Variants in MYH10 observed in about 807,000 individuals in gnomAD.
MYH10 encodes the protein myosin heavy chain 10, also known as myosin-10.
MYH10 carries 55 observed loss-of-function variants against 257.8 expected under a neutral mutation model. That is an observed-to-expected ratio of 0.21 (90% CI 0.17 to 0.27). MYH10 has a LOEUF of 0.27. Ranked by LOEUF, MYH10 falls within the 10% of genes least tolerant of loss-of-function variation. The probability of loss-of-function intolerance (pLI) is 1.00; values close to 1 mark genes in which losing one functional copy is unlikely to be tolerated. For synonymous variants in MYH10, 854 were observed against 921.7 expected (o/e 0.93, Z 1.33); for missense variants, 1,631 against 2,500.6 (o/e 0.65, Z 7.42).
chr17:8,628,529 G>A (rs2085769460), intron 1 of MYH10, among the ~76,000 whole-genome samples: 2 of 152,158 alleles, frequency 1.3e-5, no homozygotes, highest in Admixed American at 1.3e-4. Context: ...TATAACAGAT[G>A]AGCTAAAACA....
chr17:8,560,849 A>G, intron 7 of MYH10: 1 of 567,112 alleles, frequency 1.8e-6, no homozygotes, highest in Non-Finnish European at 3.4e-6. Flanking sequence ...GGCAAGCACA[A>G]GGTCTTTGGC....
chr17:8,518,933 G>C lies in MYH10; in HGVS notation c.2291C>G (p.Pro764Arg). 6.2e-7 allele frequency: 1 copy of C among 1,605,752 alleles called. No individual in the cohort carries two copies. The highest frequency in any genetic ancestry group is 1.1e-5 in the South Asian group (1 of 89,812). ...EFRQRYEILT[P>R]NAIPKGFMDG... ...CATAAAACCTTTAGGAATAGCATTTGGAGTTAGGATCTCATATCTGTAAGA... is the reference window on the plus strand; with the variant it reads ...CATAAAACCTTTAGGAATAGCATTTCGAGTTAGGATCTCATATCTGTAAGA... The change falls in exon 20 of 43, where the codon CCA (proline) becomes CGA (arginine). Residue 764 changes from proline to arginine, a missense_variant. Around this residue, in one of 11 missense-constraint regions of MYH10, gnomAD observed 116 missense variants for 221.6 expected, o/e 0.52. Transcript: ENST00000360416.
intron 36 of MYH10, among the ~76,000 whole-genome samples, chr17:8,486,507 GAA>G (rs1237172635): frequency 1.2e-5 from 1 of 81,096 alleles, no homozygotes; most frequent in African/African-American, 5.3e-5. Context: ...CTATCTCTGG[GAA>G]AAAAAACAAA....
In MYH10 at chr17:8,513,909, G is replaced by A. The variant is rs2081377964; in HGVS notation, c.2505-15C>T. On this transcript the variant is annotated splice_polypyrimidine_tract_variant and intron_variant, in intron 21 of 42. Coordinates refer to ENST00000360416, the MANE Select transcript of MYH10 (RefSeq NM_001256012.3). Reference sequence around the variant, plus strand: ...TGGCAAAGGCCCTGAAGAACAATAAGAAAAACTTATGATGTAAAGAAAAAA... The same window carrying A: ...TGGCAAAGGCCCTGAAGAACAATAAAAAAAACTTATGATGTAAAGAAAAAA... 1.2e-6 allele frequency: 2 copies of A among 1,607,444 alleles called. No homozygotes were observed. Among genetic ancestry groups the A allele is most frequent in the Non-Finnish European group, 1.7e-6 (2 of 1,176,678 alleles).
rs1045853152 is a variant in MYH10 at position 8,517,834 on chromosome 17, C to G, written c.2504+797G>C. On this transcript the variant is annotated intron_variant, in intron 21 of 42. Coordinates refer to ENST00000360416, the MANE Select transcript of MYH10 (RefSeq NM_001256012.3). Reference sequence around the variant, plus strand: ...CTTGCTCCCTCTCACCCATCCTGCTCCAGCCACACTGGACTGTGTCACCTT... The same window carrying G: ...CTTGCTCCCTCTCACCCATCCTGCTGCAGCCACACTGGACTGTGTCACCTT... Among the ~76,000 whole-genome samples the G allele has an allele frequency of 3.9e-4, 60 of 152,206 alleles. 1 individual carries two copies. Among genetic ancestry groups the G allele is most frequent in the African/African-American group, 1.4e-3 (58 of 41,450 alleles).
chr17:8,580,782 C>G (rs2083675306), intron 4 of MYH10, among the ~76,000 whole-genome samples: 1 of 152,224 alleles, frequency 6.6e-6, no homozygotes, highest in Admixed American at 6.5e-5. Flanking sequence ...CTTCTGAGTG[C>G]TAGGGATAGT....
At position 8,604,968 on chromosome 17, in the gene MYH10, G is replaced by A. The variant is rs375038020; in HGVS notation, c.360C>T (p.Leu120=). ...YSGLIYTYSG[L]FCVVINPYKN... is the part of the protein sequence containing the mutation. ...TGTAAGGGTTTATAACTACACAGAA[G>A]AGTCCAGAATAAGTCTAGAATAAAA... Residue 120 remains leucine, a synonymous_variant, in exon 3 of 43, where the codon CTC becomes CTT. Transcript: ENST00000360416. 1.9e-5 allele frequency: 29 copies of A among 1,514,212 alleles called. No homozygotes were observed. The highest frequency in any genetic ancestry group is 2.6e-5 in the Non-Finnish European group (29 of 1,107,472). 93.8% of individuals were successfully genotyped at this position (1,514,212 alleles called of 1,614,324 possible).
rs1392867812 is a variant in MYH10 at position 8,546,636 on chromosome 17, C to T, written c.1186G>A (p.Gly396Arg). 3.1e-6 allele frequency: 5 copies of T among 1,613,940 alleles called. No individual in the cohort carries two copies. The highest frequency in any genetic ancestry group is 1.3e-5 in the African/African-American group (1 of 75,034). The change falls in exon 12 of 43, where the codon GGG becomes AGG. Residue 396 changes from glycine (G) to arginine (R), a missense_variant. By Grantham distance (125) the Gly-to-Arg change is moderately radical (BLOSUM62 -2). This residue lies in a region of MYH10 where 360 missense variants were observed against 581.9 expected (regional missense o/e 0.62). Coordinates refer to ENST00000360416, the MANE Select transcript of MYH10 (RefSeq NM_001256012.3). ...CGAGTAAACTCCATCACATTCATCC[C>T]AAGAAGATGGCAGAGCTTCTGCGCA... ...TVAQKLCHLLGMNVMEFTRAI... is the reference protein window; with the variant it reads ...TVAQKLCHLLRMNVMEFTRAI...
At chr17:8,580,239 T>C (rs1172910796) in intron 4 of MYH10, among the ~76,000 whole-genome samples, 1 of 152,144 alleles carries the variant, frequency 6.6e-6, no homozygotes, top group Non-Finnish European at 1.5e-5. Flanking sequence ...CCATCATCCT[T>C]CTTTTTGAAA....
chr17:8,517,720 C>T (rs554270515), intron 21 of MYH10, among the ~76,000 whole-genome samples: 17 of 152,306 alleles, frequency 1.1e-4, no homozygotes, highest in African/African-American at 3.4e-4. Flanking sequence ...TTCTGCCTAC[C>T]GCAGCCAGGC....
At chr17:8,561,391 G>A (rs2082989067) in intron 7 of MYH10, 2 of 1,077,682 alleles carry the variant, frequency 1.9e-6, no homozygotes, top group Admixed American at 3.4e-5. Flanking sequence ...GGGGCATTCT[G>A]AAGCAAGTGT....
chr17:8,595,191 G>A lies in MYH10; in HGVS notation c.503-6083C>T, dbSNP rs139910841. Among the ~76,000 whole-genome samples, 257 of 152,224 alleles carry A rather than the reference G, an allele frequency of 1.7e-3. 1 individual carries two copies. Among genetic ancestry groups the A allele is most frequent in the Middle Eastern group, 6.8e-3 (2 of 294 alleles). On this transcript the variant is annotated intron_variant, in intron 3 of 42. Coordinates refer to ENST00000360416, the MANE Select transcript of MYH10 (RefSeq NM_001256012.3). ...GATGACTATAGGACATTCTCGAAAC[G>A]GCAGCACTAGTGTTTATTCCTAGCG...
intron 25 of MYH10, 77 bp downstream of exon 25, chr17:8,509,735 C>T: frequency 7.4e-7 from 1 of 1,348,152 alleles, no homozygotes; most frequent in East Asian, 2.7e-5. Context: ...AGTTCACTTT[C>T]AATGAGTGTA....
In MYH10 at chr17:8,546,660, C is replaced by T. The variant is rs1291705207; in HGVS notation, c.1162G>A (p.Ala388Thr). The T allele has an allele frequency of 6.2e-7, 1 of 1,612,328 alleles. No homozygotes were observed. Among genetic ancestry groups the T allele is most frequent in the East Asian group, 2.2e-5 (1 of 44,856 alleles). ...DQASMPENTV[A>T]QKLCHLLGMN... ...CCAAGAAGATGGCAGAGCTTCTGCG[C>T]AACTGAAGTGTAAAAAGTCTCCTAA... is the stretch of plus-strand genomic sequence containing the variant. The change falls in exon 12 of 43, where the codon GCG (alanine) becomes ACG (threonine). Residue 388 changes from alanine to threonine, a missense_variant and splice_region_variant. Coordinates refer to ENST00000360416, the MANE Select transcript of MYH10 (RefSeq NM_001256012.3).
Position 8,475,953 on chromosome 17 carries a change from A to C in MYH10, c.5880-5T>G. The C allele has an allele frequency of 6.2e-7, 1 of 1,611,918 alleles. No individual in the cohort carries two copies. The highest frequency in any genetic ancestry group is 2.2e-5 in the East Asian group (1 of 44,872). On this transcript the variant is annotated splice_region_variant and splice_polypyrimidine_tract_variant and intron_variant, in intron 42 of 42. Coordinates refer to ENST00000360416, the MANE Select transcript of MYH10 (RefSeq NM_001256012.3). ...AAGCTGATGGGGCCACCCCGCCTGG[A>C]GAACACAGGAAGCAGATGTGTGTGG...
intron 7 of MYH10, among the ~76,000 whole-genome samples, chr17:8,561,874 G>A (rs567344390): frequency 1.9e-4 from 29 of 152,218 alleles, no homozygotes; most frequent in Admixed American, 1.8e-3. Flanking sequence ...TAGATGCAAA[G>A]GGCCAAGCAA....
Position 8,480,091 on chromosome 17 carries a change from G to C in MYH10, c.5597+19C>G. The C allele has an allele frequency of 6.2e-7, 1 of 1,612,724 alleles. No homozygotes were observed. Among genetic ancestry groups the C allele is most frequent in the Non-Finnish European group, 8.5e-7 (1 of 1,179,318 alleles). The stretch of plus-strand genomic sequence containing the variant: ...GCCTAGTTGGTAAGTTTTGGTTTAC[G>C]GTAGCAAAAACCTCTTACTTGGCTT... On this transcript the variant is annotated intron_variant, in intron 40 of 42. Coordinates refer to ENST00000360416, the MANE Select transcript of MYH10 (RefSeq NM_001256012.3).
chr17:8,558,076 G>A (rs889432263), intron 7 of MYH10, among the ~76,000 whole-genome samples: 2 of 152,094 alleles, frequency 1.3e-5, no homozygotes, highest in African/African-American at 4.8e-5. Flanking sequence ...ATTAAGAGTC[G>A]CATAATAAAA....
intron 3 of MYH10, among the ~76,000 whole-genome samples, chr17:8,601,981 T>TC (rs992049906): frequency 1.3e-5 from 2 of 150,798 alleles, no homozygotes; most frequent in Non-Finnish European, 3.0e-5. Flanking sequence ...CAGAATCTTT[T>TC]TTTTTTTTTT....
Sources: allele counts gnomAD v4.1 joint callset (sites outside exome capture counted in the v4.1 genomes callset), GRCh38; gene constraint gnomAD v4.1.1; regional missense constraint gnomAD v4.1.1; transcripts MANE v1.5; gene names NCBI Gene and HGNC (gene_info 2026-07-23, HGNC 2026-07-21).